KRT77: variants seen among roughly 807,000 people sequenced by gnomAD.
The protein encoded by KRT77 is keratin 77, also known as keratin, type II cytoskeletal 1b.
Under a neutral mutation model 51.5 loss-of-function variants are expected in KRT77, and 44 were observed. That is an observed-to-expected ratio of 0.85 (90% CI 0.67 to 1.10). The LOEUF (loss-of-function observed/expected upper bound fraction) is 1.10. Among genes scored for constraint, KRT77 ranks in the 50% least tolerant of loss-of-function variants. The pLI, the probability that KRT77 is intolerant of heterozygous loss-of-function variation, is 0.00. For synonymous variants in KRT77, 293 were observed against 302.0 expected (o/e 0.97, Z 0.31); for missense variants, 763 against 743.9 (o/e 1.03, Z -0.30).
At position 52,691,067 on chromosome 12, in the gene KRT77, G is replaced by T; in HGVS notation, c.*98C>A. ...TGGCAAAATTGCTGAGACCCATTAA[G>T]AAAAGTGAATGAGAGGGGATCAGGA... On this transcript the variant is annotated 3_prime_UTR_variant, in exon 9 of 9. Coordinates refer to ENST00000341809, the MANE Select transcript of KRT77 (RefSeq NM_175078.3). 1 of 1,566,008 alleles carries T rather than the reference G, an allele frequency of 6.4e-7. No individual in the cohort carries two copies. The highest frequency in any genetic ancestry group is 1.2e-5 in the South Asian group (1 of 85,972).
At chr12:52,694,855 C>T (rs1463858695) in intron 4 of KRT77, 65 bp from the exon 5 acceptor site, 1 of 1,414,464 alleles carries the variant, frequency 7.1e-7, no homozygotes, top group Non-Finnish European at 9.5e-7. Flanking sequence ...TTTTCCTCTG[C>T]TGCTCCCTCA....
chr12:52,693,908 G>A (rs772829507), intron 5 of KRT77, among the ~76,000 whole-genome samples: 3 of 136,258 alleles, frequency 2.2e-5, no homozygotes, highest in South Asian at 2.2e-4. Context: ...GTAGTGGCGC[G>A]TGCCTGTAAT....
intron 4 of KRT77, among the ~76,000 whole-genome samples, 153 bp downstream of exon 4, chr12:52,695,619 G>A (rs988802439): frequency 6.6e-6 from 1 of 152,024 alleles, no homozygotes. Flanking sequence ...GGGTGGAGAG[G>A]ATGGCTGACT....
At position 52,703,097 on chromosome 12, in the gene KRT77, C is replaced by T. The variant is rs1266165021; in HGVS notation, c.338G>A (p.Gly113Glu). The T allele has an allele frequency of 6.2e-7, 1 of 1,613,194 alleles. No individual in the cohort carries two copies. The highest frequency in any genetic ancestry group is 1.7e-5 in the Admixed American group (1 of 59,972). Residue 113 changes from glycine to glutamate, a missense_variant, in exon 1 of 9, where the codon GGG (glycine) becomes GAG (glutamate). Physicochemically the swap from Gly to Glu is moderately conservative, Grantham distance 98. Transcript: ENST00000341809. The stretch of plus-strand genomic sequence containing the variant: ...ATTGCTAGTCCCAAATCCAGCACCC[C>T]CAAAACCACCTCCTCCAAAGCCACC... ...GAGGFGGGGF[G>E]GAGFGTSNFG... is the part of the protein sequence containing the mutation.
chr12:52,692,260 C>G (rs1259900788), intron 7 of KRT77, among the ~76,000 whole-genome samples, 161 bp downstream of exon 7: 1 of 152,136 alleles, frequency 6.6e-6, no homozygotes, highest in Non-Finnish European at 1.5e-5. Flanking sequence ...AGAGGCTTGT[C>G]CATTCACACA....
rs62639689 is a variant in KRT77 at position 52,695,781 on chromosome 12, T to G, written c.906A>C (p.Leu302Phe). The G allele has an allele frequency of 3.1e-6, 5 of 1,611,754 alleles. No individual in the cohort carries two copies. The Admixed American group carries it at 5.0e-5, about 16-fold the overall frequency. Residue 302 changes from leucine to phenylalanine, a missense_variant, in exon 4 of 9, where the codon TTA (leucine) becomes TTC (phenylalanine). Coordinates refer to ENST00000341809, the MANE Select transcript of KRT77 (RefSeq NM_175078.3). ...TAAAGGCTTAACTCACCGTCAAAAA[T>G]AAATATTTCAAGAAATTGACCTCCC... ...LTGEVNFLKY[L>F]FLTELSQVQT...
At chr12:52,695,904 C>G in intron 3 of KRT77, 37 bp from the exon 4 acceptor site, 1 of 1,318,024 alleles carries the variant, frequency 7.6e-7, no homozygotes, top group South Asian at 1.2e-5. Flanking sequence ...CTTTATTGCC[C>G]AGGCATTGCC....
chr12:52,700,751 CAAGT>C (rs1029549973), intron 1 of KRT77, among the ~76,000 whole-genome samples: 2 of 152,132 alleles, frequency 1.3e-5, no homozygotes, highest in Non-Finnish European at 2.9e-5. Context: ...GGTTGAAGGG[CAAGT>C]AATATAGGGC....
At chr12:52,701,353 G>T (rs902445699) in intron 1 of KRT77, among the ~76,000 whole-genome samples, 2 of 152,156 alleles carry the variant, frequency 1.3e-5, no homozygotes, top group African/African-American at 4.8e-5. Context: ...GCTCCTCTTC[G>T]GCAGCCTCTG....
intron 7 of KRT77, 138 bp from the exon 8 acceptor site, chr12:52,692,110 G>T: frequency 1.1e-6 from 1 of 916,878 alleles, no homozygotes. Context: ...GGAAGCCAGT[G>T]GGGCAGAGAG....
chr12:52,693,869 A>G (rs1941752502), intron 5 of KRT77, among the ~76,000 whole-genome samples: 1 of 138,044 alleles, frequency 7.2e-6, no homozygotes, highest in African/African-American at 2.5e-5. Context: ...AAACCCTGCC[A>G]CTACTAAAAA....
intron 2 of KRT77, 186 bp from the exon 3 acceptor site, chr12:52,696,616 C>A: frequency 1.7e-6 from 1 of 578,902 alleles, no homozygotes; most frequent in Non-Finnish European, 3.1e-6. Flanking sequence ...GCAGAGCCAA[C>A]TCCTAGGTCT....
chr12:52,698,266 T>C, intron 1 of KRT77: 2 of 600,360 alleles, frequency 3.3e-6, no homozygotes, highest in Non-Finnish European at 5.6e-6. Flanking sequence ...TTTCTCTTTG[T>C]GGTCAAAATG....
rs748596912 is a variant in KRT77, at chr12:52,691,410, C to T, written c.1492G>A (p.Gly498Ser). 3.1e-6 allele frequency: 5 copies of T among 1,597,372 alleles called. No homozygotes were observed. The highest frequency in any genetic ancestry group is 3.4e-5 in the Admixed American group (2 of 59,380). ...TAGCTGCCGCCGCCTCCCGCGCCGC[C>T]GTTGACGCTCACCTGGCTGTTCTGC... ...SVQNSQVSVN[G>S]GAGGGGSYGS... The change falls in exon 9 of 9, where the codon GGC becomes AGC. Residue 498 changes from glycine (G) to serine (S), a missense_variant. By Grantham distance (56) the Gly-to-Ser change is moderately conservative (BLOSUM62 0). Coordinates refer to ENST00000341809, the MANE Select transcript of KRT77 (RefSeq NM_175078.3).
intron 1 of KRT77, chr12:52,698,171 C>T (rs1172742405): frequency 7.4e-7 from 1 of 1,358,546 alleles, no homozygotes; most frequent in African/African-American, 1.5e-5. Flanking sequence ...TCATAGAGCA[C>T]TCACCCTCCA....
At chr12:52,695,704 C>T (rs1201088214) in intron 4 of KRT77, 68 bp downstream of exon 4, 2 of 1,149,638 alleles carry the variant, frequency 1.7e-6, no homozygotes, top group East Asian at 2.4e-5. Context: ...CAGGCCTCCC[C>T]TCTTACAGCC....
intron 1 of KRT77, chr12:52,698,352 G>A (rs1040047387): frequency 1.4e-5 from 6 of 444,408 alleles, no homozygotes; most frequent in Admixed American, 7.2e-5. Context: ...ACTAATTCCT[G>A]AGCACACTTG....
At chr12:52,697,580 CG>C in intron 2 of KRT77, 101 bp downstream of exon 2, 1 of 190,052 alleles carries the variant, frequency 5.3e-6, no homozygotes, top group Non-Finnish European at 1.0e-5. Context: ...CTGCATGCCC[CG>C]CCCCCCACCC....
At chr12:52,696,300 C>T in intron 3 of KRT77, 70 bp downstream of exon 3, 1 of 1,448,234 alleles carries the variant, frequency 6.9e-7, no homozygotes, top group Admixed American at 1.7e-5. Context: ...ACAGAGCATC[C>T]CATAGGGATT....
Sources: allele counts gnomAD v4.1 joint callset (sites outside exome capture counted in the v4.1 genomes callset), GRCh38; gene constraint gnomAD v4.1.1; transcripts MANE v1.5; gene names NCBI Gene and HGNC (gene_info 2026-07-23, HGNC 2026-07-21).